Variants in RAPGEF4 observed in about 807,000 individuals in gnomAD.
The protein encoded by RAPGEF4 is Rap guanine nucleotide exchange factor 4.
RAPGEF4 carries 66 observed loss-of-function variants against 147.9 expected under a neutral mutation model. The ratio of observed to expected loss-of-function variants is 0.45; its 90% CI spans 0.37 to 0.55. RAPGEF4 has a LOEUF of 0.55. Ranked by LOEUF, RAPGEF4 falls within the 20% of genes least tolerant of loss-of-function variation. RAPGEF4 has a pLI of 0.00. For synonymous variants in RAPGEF4, 419 were observed against 442.7 expected (o/e 0.95, Z 0.67); for missense variants, 1,071 against 1,257.3 (o/e 0.85, Z 2.24).
chr2:172,747,705 C>G (rs188090135), intron 1 of RAPGEF4, among the ~76,000 whole-genome samples: 62 of 152,234 alleles, frequency 4.1e-4, no homozygotes, highest in African/African-American at 1.4e-3. Flanking sequence ...TTAAGCAATC[C>G]TCCTACCTTG....
chr2:172,834,503 A>G (rs769950797), intron 4 of RAPGEF4, among the ~76,000 whole-genome samples: 1 of 152,226 alleles, frequency 6.6e-6, no homozygotes, highest in Non-Finnish European at 1.5e-5. Context: ...GTAAACAGGA[A>G]GATAAAGCTA....
At chr2:173,028,695 G>A (rs1696894598) in intron 25 of RAPGEF4, among the ~76,000 whole-genome samples, 1 of 152,124 alleles carries the variant, frequency 6.6e-6, no homozygotes, top group African/African-American at 2.4e-5. Context: ...CCGTCCTGTA[G>A]AGAAGCTATT....
At chr2:172,769,159 G>C (rs1421503092) in intron 1 of RAPGEF4, among the ~76,000 whole-genome samples, 3 of 152,120 alleles carry the variant, frequency 2.0e-5, no homozygotes, top group African/African-American at 7.2e-5. Flanking sequence ...CATTGTTAGG[G>C]TAAAAGGAAT....
At chr2:173,014,342 G>A (rs192053996) in intron 17 of RAPGEF4, 122 bp from the exon 18 acceptor site, 1 of 1,234,934 alleles carries the variant, frequency 8.1e-7, no homozygotes, top group Non-Finnish European at 1.2e-6. Flanking sequence ...GGGCCTAGGG[G>A]AGGAATTCTA....
intron 4 of RAPGEF4, among the ~76,000 whole-genome samples, chr2:172,885,161 T>C (rs899086550): frequency 2.0e-5 from 3 of 152,256 alleles, no homozygotes; most frequent in Non-Finnish European, 4.4e-5. Flanking sequence ...GAGGGCTGAA[T>C]GCCCCAGCTT....
chr2:172,962,966 C>G (rs1689451631), intron 8 of RAPGEF4, among the ~76,000 whole-genome samples: 1 of 152,108 alleles, frequency 6.6e-6, no homozygotes, highest in African/African-American at 2.4e-5. Flanking sequence ...GTTTCATTGA[C>G]TCACAGTTCC....
intron 4 of RAPGEF4, among the ~76,000 whole-genome samples, chr2:172,858,856 G>A (rs1693724191): frequency 6.6e-6 from 1 of 152,132 alleles, no homozygotes; most frequent in African/African-American, 2.4e-5. Flanking sequence ...TTTGAAAAAC[G>A]CTGAGAAGCA....
chr2:172,866,799 G>A (rs917021538), intron 4 of RAPGEF4, among the ~76,000 whole-genome samples: 1 of 151,972 alleles, frequency 6.6e-6, no homozygotes, highest in Non-Finnish European at 1.5e-5. Context: ...CAATTTTGTT[G>A]TATTGATCTC....
rs773651575 is a variant in RAPGEF4 at position 172,960,822 on chromosome 2, A to G, written c.591+9A>G. ...CTAACACCATTACCAAGGTAATGGG[A>G]TGTAGGTGGGTTGATGAGCCATTGA... is the stretch of plus-strand genomic sequence containing the variant. On this transcript the variant is annotated intron_variant, in intron 7 of 30. Transcript: ENST00000397081. 18 of 1,596,946 alleles carry G rather than the reference A, an allele frequency of 1.1e-5. No homozygotes were observed. Among genetic ancestry groups the G allele is most frequent in the Non-Finnish European group, 1.5e-5 (18 of 1,169,010 alleles).
chr2:172,810,556 T>C (rs975975652), intron 3 of RAPGEF4, among the ~76,000 whole-genome samples: 3 of 152,156 alleles, frequency 2.0e-5, no homozygotes, highest in Admixed American at 6.5e-5. Context: ...AGAAATGAGA[T>C]AGCTGGATCA....
In RAPGEF4 at chr2:173,001,636, T is replaced by C. The variant is rs185439469; in HGVS notation, c.1658+292T>C. Among the ~76,000 whole-genome samples the C allele has an allele frequency of 2.0e-3, 301 of 152,264 alleles. 3 individuals are homozygous for C. Among genetic ancestry groups the C allele is most frequent in the Middle Eastern group, 0.01 (3 of 294 alleles). On this transcript the variant is annotated intron_variant, in intron 17 of 30. Coordinates refer to ENST00000397081, the MANE Select transcript of RAPGEF4 (RefSeq NM_007023.4). ...GAAATACCCGAGGCTGGGTAATTTA[T>C]AAGAAAAGAGGTTTAATTGACTGGC... is the stretch of plus-strand genomic sequence containing the variant.
intron 6 of RAPGEF4, among the ~76,000 whole-genome samples, chr2:172,953,297 CTA>C (rs1297770103): frequency 6.8e-6 from 1 of 146,280 alleles, no homozygotes; most frequent in African/African-American, 2.5e-5. Context: ...CTATATAATT[CTA>C]TATATATAAT....
At chr2:172,761,532 G>T (rs1016362197) in intron 1 of RAPGEF4, among the ~76,000 whole-genome samples, 14 of 152,172 alleles carry the variant, frequency 9.2e-5, no homozygotes, top group Non-Finnish European at 1.5e-5. Flanking sequence ...GAATGAAGGG[G>T]GAACCAAGCT....
At chr2:172,914,802 A>T (rs1683870739) in intron 4 of RAPGEF4, among the ~76,000 whole-genome samples, 1 of 152,198 alleles carries the variant, frequency 6.6e-6, no homozygotes, top group Admixed American at 6.5e-5. Flanking sequence ...AACTTTTTGG[A>T]ACTTTGCCAA....
chr2:173,050,618 G>A (rs1296077819), intron 30 of RAPGEF4, among the ~76,000 whole-genome samples: 1 of 152,190 alleles, frequency 6.6e-6, no homozygotes, highest in Non-Finnish European at 1.5e-5. Context: ...GCCCTACCCA[G>A]TGATGCTTGA....
chr2:172,825,201 A>G (rs1280927900), intron 4 of RAPGEF4, among the ~76,000 whole-genome samples: 1 of 152,210 alleles, frequency 6.6e-6, no homozygotes, highest in Non-Finnish European at 1.5e-5. Context: ...TCCCACCTTA[A>G]ATGTGCTCAG....
At chr2:172,832,346 T>C (rs1449575810) in intron 4 of RAPGEF4, among the ~76,000 whole-genome samples, 1 of 152,126 alleles carries the variant, frequency 6.6e-6, no homozygotes, top group East Asian at 1.9e-4. Flanking sequence ...TATACAAAGT[T>C]CAAACAGTAC....
At chr2:172,818,196 GA>G (rs1419470221) in intron 4 of RAPGEF4, among the ~76,000 whole-genome samples, 2 of 151,790 alleles carry the variant, frequency 1.3e-5, no homozygotes, top group Admixed American at 6.6e-5. Context: ...AAAGGGGAGA[GA>G]GGGGTGAAGG....
chr2:172,749,578 A>C (rs1695080966), intron 1 of RAPGEF4, among the ~76,000 whole-genome samples: 1 of 152,320 alleles, frequency 6.6e-6, no homozygotes, highest in Middle Eastern at 3.4e-3. Flanking sequence ...TTTTCCTCCT[A>C]GGCCTCCAGG....
Sources: gnomAD v4.1 joint callset for allele counts (sites outside exome capture counted in the v4.1 genomes callset) on GRCh38, gnomAD v4.1.1 for gene constraint, MANE v1.5 for transcripts, NCBI Gene and HGNC (gene_info 2026-07-23, HGNC 2026-07-21) for gene names.